The following KCNH1 variants were observed in gnomAD, a reference collection of about 807,000 sequenced individuals.
KCNH1 encodes the protein potassium voltage-gated channel subfamily H member 1, also known as voltage-gated delayed rectifier potassium channel KCNH1.
In KCNH1, 27 loss-of-function variants were observed where a neutral mutation model predicts 69.2. The ratio of observed to expected loss-of-function variants is 0.39; its 90% CI spans 0.29 to 0.54. KCNH1 has a LOEUF of 0.54. KCNH1 is among the 20% of genes least tolerant of loss of function. KCNH1 has a pLI of 0.68. For synonymous variants in KCNH1, 456 were observed against 487.7 expected, an observed-to-expected ratio of 0.93 and a Z score of 0.86; for missense variants, 798 against 1,261.6, an observed-to-expected ratio of 0.63 and a Z score of 5.57.
intron 7 of KCNH1, among the ~76,000 whole-genome samples, chr1:210,814,280 T>C (rs762454186): frequency 1.3e-5 from 2 of 152,174 alleles, no homozygotes; most frequent in Non-Finnish European, 2.9e-5. Context: ...TTTCTTTGTA[T>C]ATAATAAATA....
At chr1:210,951,980 C>A (rs1374808728) in intron 6 of KCNH1, among the ~76,000 whole-genome samples, 2 of 152,144 alleles carry the variant, frequency 1.3e-5, no homozygotes, top group Non-Finnish European at 2.9e-5. Flanking sequence ...TACCTTGTAG[C>A]CACTCTTTGT....
intron 1 of KCNH1, among the ~76,000 whole-genome samples, chr1:211,118,286 C>A (rs754737297): frequency 5.3e-5 from 8 of 152,146 alleles, no homozygotes; most frequent in Non-Finnish European, 1.0e-4. Context: ...TCCAATCAGC[C>A]AATAACCCAT....
chr1:211,099,870 G>A (rs1054409714), intron 3 of KCNH1, among the ~76,000 whole-genome samples: 2 of 152,014 alleles, frequency 1.3e-5, no homozygotes, highest in African/African-American at 2.4e-5. Context: ...AAGGCCCTGC[G>A]CTCCATCTCC....
In KCNH1 at chr1:210,987,919, A is replaced by G. The variant is rs565162102; in HGVS notation, c.1032+30864T>C. 1.1e-4 allele frequency among the ~76,000 whole-genome samples: 17 copies of G among 152,326 alleles called. No individual in the cohort carries two copies. The East Asian group carries it at 1.5e-3, about 14-fold the overall frequency. ...AGGCAGGCAGACCTCCTTGAGCTGT[A>G]GTGGGCTCCACCAAGTTCGAGGTTC... On this transcript the variant is annotated intron_variant, in intron 6 of 10. Coordinates refer to ENST00000271751, the MANE Select transcript of KCNH1 (RefSeq NM_172362.3).
At chr1:210,800,658 C>T (rs1684409628) in intron 8 of KCNH1, among the ~76,000 whole-genome samples, 1 of 152,128 alleles carries the variant, frequency 6.6e-6, no homozygotes, top group Admixed American at 6.5e-5. Context: ...TCTGGAACTC[C>T]TCTCTCTGAG....
At chr1:210,945,789 T>C (rs1049913196) in intron 6 of KCNH1, among the ~76,000 whole-genome samples, 6 of 152,228 alleles carry the variant, frequency 3.9e-5, no homozygotes, top group Admixed American at 6.5e-5. Flanking sequence ...TGGCACCCAA[T>C]TGTCCTCACT....
At chr1:210,979,259 G>A (rs1403673541) in intron 6 of KCNH1, among the ~76,000 whole-genome samples, 1 of 152,238 alleles carries the variant, frequency 6.6e-6, no homozygotes, top group East Asian at 1.9e-4. Context: ...AAAAACATCG[G>A]AAACTCCCAC....
chr1:210,876,811 C>T (rs1686385525), intron 7 of KCNH1, among the ~76,000 whole-genome samples: 2 of 152,104 alleles, frequency 1.3e-5, no homozygotes, highest in Admixed American at 6.6e-5. Context: ...CTCATGGAAA[C>T]GCTTAGCACC....
intron 7 of KCNH1, among the ~76,000 whole-genome samples, chr1:210,843,892 C>T (rs1685478974): frequency 6.6e-6 from 1 of 152,134 alleles, no homozygotes; most frequent in Non-Finnish European, 1.5e-5. Context: ...GCTGCCTTGT[C>T]CAGGTGAATA....
chr1:210,734,845 T>G (rs1052607904), intron 10 of KCNH1, among the ~76,000 whole-genome samples: 5 of 152,138 alleles, frequency 3.3e-5, no homozygotes, highest in Non-Finnish European at 5.9e-5. Flanking sequence ...AAGGAAATAA[T>G]CTAGTTGCAG....
intron 5 of KCNH1, among the ~76,000 whole-genome samples, chr1:211,035,055 C>G (rs960050426): frequency 1.3e-5 from 2 of 152,054 alleles, no homozygotes; most frequent in Admixed American, 1.3e-4. Flanking sequence ...TTCATACCTC[C>G]CCAGAATGCC....
chr1:211,054,903 A>C (rs909402800), intron 5 of KCNH1, among the ~76,000 whole-genome samples: 2 of 152,184 alleles, frequency 1.3e-5, no homozygotes, highest in Non-Finnish European at 2.9e-5. Context: ...GGGAGAAAGC[A>C]GATAAACAAA....
At chr1:210,986,438 T>C (rs547105329) in intron 6 of KCNH1, among the ~76,000 whole-genome samples, 2 of 152,320 alleles carry the variant, frequency 1.3e-5, no homozygotes, top group East Asian at 1.9e-4. Flanking sequence ...TTCCTTTCCA[T>C]GTTTAGTGCT....
At chr1:211,070,839 G>GA (rs139518297) in intron 5 of KCNH1, among the ~76,000 whole-genome samples, 148 of 148,692 alleles carry the variant, frequency 1.0e-3, no homozygotes, top group African/African-American at 2.2e-3. Flanking sequence ...AAAAAATTAG[G>GA]AAAAAAAAAA....
intron 1 of KCNH1, among the ~76,000 whole-genome samples, chr1:211,131,489 A>G (rs1691875224): frequency 1.3e-5 from 2 of 152,194 alleles, no homozygotes; most frequent in African/African-American, 4.8e-5. Context: ...TTAATACTGC[A>G]CAGGACCACT....
In KCNH1 at chr1:210,894,359, C is replaced by T. The variant is rs78363493; in HGVS notation, c.1462+25281G>A. On this transcript the variant is annotated intron_variant, in intron 7 of 10. Coordinates refer to ENST00000271751, the MANE Select transcript of KCNH1 (RefSeq NM_172362.3). ...CTTCTGACTACTCAATCCAATGTCC[C>T]GTCAATACAGCTGGCCTGGTGGGAA... is the stretch of plus-strand genomic sequence containing the variant. 5.4e-4 allele frequency among the ~76,000 whole-genome samples: 82 copies of T among 152,278 alleles called. 2 individuals carry two copies. The highest frequency in any genetic ancestry group is 4.6e-3 in the East Asian group (24 of 5,182).
In KCNH1 at chr1:210,879,235, T is replaced by C. The variant is rs563773618; in HGVS notation, c.1462+40405A>G. Among the ~76,000 whole-genome samples the C allele has an allele frequency of 4.2e-4, 64 of 152,150 alleles. No individual in the cohort carries two copies. In the South Asian group the frequency reaches 4.3e-3, roughly 10 times the overall value. On this transcript the variant is annotated intron_variant, in intron 7 of 10. Coordinates refer to ENST00000271751, the MANE Select transcript of KCNH1 (RefSeq NM_172362.3). ...ATTATCTATGATCGCTTTCAAAATA[T>C]AGAAACAGAATACTTCCTAACTCAT...
chr1:210,906,572 G>A (rs1425042669), intron 7 of KCNH1, among the ~76,000 whole-genome samples: 1 of 152,174 alleles, frequency 6.6e-6, no homozygotes, highest in Non-Finnish European at 1.5e-5. Context: ...TATTTCTTAT[G>A]CCTTCTCGAC....
chr1:211,034,717 C>T (rs1017312846), intron 5 of KCNH1, among the ~76,000 whole-genome samples: 6 of 152,068 alleles, frequency 3.9e-5, no homozygotes, highest in Non-Finnish European at 8.8e-5. Flanking sequence ...CCTGAGTATT[C>T]AGCTAAGGGA....
Sources: gnomAD v4.1 joint callset for allele counts (sites outside exome capture counted in the v4.1 genomes callset) on GRCh38, gnomAD v4.1.1 for gene constraint, MANE v1.5 for transcripts, NCBI Gene and HGNC (gene_info 2026-07-23, HGNC 2026-07-21) for gene names.